Variants in CTSO observed in about 807,000 individuals in gnomAD.
CTSO encodes the protein cathepsin O.
A neutral mutation model predicts 42.4 loss-of-function variants in CTSO; 40 were observed. That is an observed-to-expected ratio of 0.94 (90% confidence interval 0.73 to 1.23). The LOEUF (loss-of-function observed/expected upper bound fraction) is 1.23, where lower values mean the gene tolerates loss of function less well. Among genes scored for constraint, CTSO ranks in the 50% most tolerant of loss-of-function variants. The pLI is 0.00. For synonymous variants in CTSO, 156 were observed against 146.2 expected (o/e 1.07, Z -0.48); for missense variants, 441 against 396.0 (o/e 1.11, Z -0.96).
At position 155,942,393 on chromosome 4, in the gene CTSO, A is replaced by G. The variant is rs1340399307; in HGVS notation, c.308T>C (p.Ile103Thr). The G allele has an allele frequency of 6.2e-7, 1 of 1,603,198 alleles. No homozygotes were observed. The highest frequency in any genetic ancestry group is 8.5e-7 in the Non-Finnish European group (1 of 1,175,570). ...PRYSAEVHMS[I>T]PNVSLPLRFD... ...TCTTAACGGCAAAGACACATTGGGGATGGACATATGTACTTCTGCTGAGTA... is the reference window on the plus strand; with the variant it reads ...TCTTAACGGCAAAGACACATTGGGGGTGGACATATGTACTTCTGCTGAGTA... Residue 103 changes from isoleucine (I) to threonine (T), a missense_variant, in exon 3 of 8, where the codon ATC becomes ACC. Coordinates refer to ENST00000433477, the MANE Select transcript of CTSO (RefSeq NM_001334.3).
At chr4:155,940,630 G>T (rs1239602360) in intron 3 of CTSO, among the ~76,000 whole-genome samples, 3 of 152,122 alleles carry the variant, frequency 2.0e-5, no homozygotes, top group Non-Finnish European at 2.9e-5. Context: ...GGATCATGAG[G>T]TCAGGAGTTC....
intron 5 of CTSO, among the ~76,000 whole-genome samples, chr4:155,934,879 C>T (rs1288077424): frequency 2.6e-5 from 4 of 152,120 alleles, no homozygotes; most frequent in Admixed American, 6.5e-5. Context: ...TGTGGACTTT[C>T]GGGTTAATGC....
intron 5 of CTSO, among the ~76,000 whole-genome samples, chr4:155,932,326 AC>A (rs1743250860): frequency 6.6e-6 from 1 of 152,144 alleles, no homozygotes; most frequent in East Asian, 1.9e-4. Flanking sequence ...TTGGAGTTGA[AC>A]AGATATGAGT....
At chr4:155,934,410 G>T (rs1038795922) in intron 5 of CTSO, among the ~76,000 whole-genome samples, 33 of 152,292 alleles carry the variant, frequency 2.2e-4, no homozygotes, top group African/African-American at 7.7e-4. Context: ...GGGGTTGGAG[G>T]CTCCACACAG....
rs1157140375 is a variant in CTSO at position 155,924,856 on chromosome 4, A to C, written c.*1180T>G. The C allele has an allele frequency of 6.6e-6, 1 of 152,268 alleles. No individual in the cohort carries two copies. The allele number at this position is 152,268 out of a possible 1,614,324, so 9.4% of individuals were successfully genotyped here. A position where few individuals can be genotyped will look rare whatever the true frequency, so the allele number is the denominator to read the frequency against. ...AATTGCACCTGAAATCACTTGTGCAATTAGTGATGCAAGAGTGATCACAGG... is the reference window on the plus strand; with the variant it reads ...AATTGCACCTGAAATCACTTGTGCACTTAGTGATGCAAGAGTGATCACAGG... On this transcript the variant is annotated 3_prime_UTR_variant, in exon 8 of 8. Transcript: ENST00000433477.
chr4:155,938,790 C>T (rs1444683745), intron 4 of CTSO, among the ~76,000 whole-genome samples: 1 of 150,384 alleles, frequency 6.6e-6, no homozygotes, highest in African/African-American at 2.5e-5. Context: ...AAACAAAAAA[C>T]AAAAAAAACA....
chr4:155,953,105 G>C (rs1743705775), intron 1 of CTSO, among the ~76,000 whole-genome samples: 1 of 151,346 alleles, frequency 6.6e-6, no homozygotes, highest in Non-Finnish European at 1.5e-5. Flanking sequence ...ATAATAATAT[G>C]AAAAGGAAAT....
chr4:155,943,293 T>G (rs771800119), intron 1 of CTSO, 29 bp from the exon 2 acceptor site: 1 of 1,363,026 alleles, frequency 7.3e-7, no homozygotes, highest in African/African-American at 1.4e-5. Context: ...CTATTTCATA[T>G]CCACTATGTC....
chr4:155,950,862 C>A (rs1168108452), intron 1 of CTSO, among the ~76,000 whole-genome samples: 1 of 151,918 alleles, frequency 6.6e-6, no homozygotes, highest in Admixed American at 6.6e-5. Flanking sequence ...ACCCCCACAC[C>A]CCAGTCCGTG....
chr4:155,929,643 T>TC lies in CTSO; in HGVS notation c.736dup (p.Asp246GlyfsTer19), dbSNP rs1318044236. ...CAGATAATCTTGCCAGCTCACTGCA[T>TC]CTACTATGACTACCAAAGGGCCAAA... On this transcript the variant is annotated frameshift_variant, in exon 6 of 8. Coordinates refer to ENST00000433477, the MANE Select transcript of CTSO (RefSeq NM_001334.3). LOFTEE classifies it high-confidence loss of function. 2 of 1,614,030 alleles carry TC rather than the reference T, an allele frequency of 1.2e-6. No homozygotes were observed. The highest frequency in any genetic ancestry group is 3.3e-5 in the Admixed American group (2 of 60,024).
At chr4:155,937,818 G>A (rs9994177) in intron 4 of CTSO, among the ~76,000 whole-genome samples, 58,874 of 151,916 alleles carry the variant, frequency 0.39, 11,854 homozygotes, top group Middle Eastern at 0.48. Context: ...GTCTCACTCT[G>A]TTGCCCAGGC....
chr4:155,942,263 A>AAAGCTG, intron 3 of CTSO, 54 bp downstream of exon 3: 2 of 1,435,882 alleles, frequency 1.4e-6, no homozygotes, highest in African/African-American at 2.9e-5. Context: ...ACTTGACCTC[A>AAAGCTG]AAGCTGCCTT....
Position 155,929,693 on chromosome 4 carries a change from A to G in CTSO, c.687T>C (p.Asp229=), listed in dbSNP as rs750961413. ...YSAYDFSDQE[D]EMAKALLTFG... ...AGGTAAGAAGTGCTTTTGCCATTTC[A>G]TCTTCTTGGTCACTACCAAAAGAGG... is the stretch of plus-strand genomic sequence containing the variant. The change falls in exon 6 of 8, where the codon GAT becomes GAC. Residue 229 remains aspartate (D), a synonymous_variant. Transcript: ENST00000433477. 3 of 1,609,926 alleles carry G rather than the reference A, an allele frequency of 1.9e-6. No homozygotes were observed. The highest frequency in any genetic ancestry group is 1.1e-5 in the South Asian group (1 of 89,962).
In CTSO at chr4:155,930,232, C is replaced by T. The variant is rs1314201438; in HGVS notation, c.675-527G>A. Among the ~76,000 whole-genome samples, 6 of 152,286 alleles carry T rather than the reference C, an allele frequency of 3.9e-5. No individual in the cohort carries two copies. In the East Asian group the frequency reaches 1.2e-3, roughly 29 times the overall value. ...TGGAAAGACTAGATATTTGGCGATA[C>T]CTTGCCATCTCTGCCACACCATGAG... On this transcript the variant is annotated intron_variant, in intron 5 of 7. Coordinates refer to ENST00000433477, the MANE Select transcript of CTSO (RefSeq NM_001334.3).
rs1240291510 is a variant in CTSO, at chr4:155,925,087, G to T, written c.*949C>A. On this transcript the variant is annotated 3_prime_UTR_variant, in exon 8 of 8. Coordinates refer to ENST00000433477, the MANE Select transcript of CTSO (RefSeq NM_001334.3). Reference sequence around the variant, plus strand: ...AGAAAGAGGTGAGATCCTAATGTTGGTAAAGGTACAGAGACAAAGGGAGCC... The same window carrying T: ...AGAAAGAGGTGAGATCCTAATGTTGTTAAAGGTACAGAGACAAAGGGAGCC... 1 of 152,120 alleles carries T rather than the reference G, an allele frequency of 6.6e-6. No homozygotes were observed. Among genetic ancestry groups the T allele is most frequent in the African/African-American group, 2.4e-5 (1 of 41,402 alleles). 9.4% of individuals were successfully genotyped at this position (152,120 alleles called of 1,614,324 possible). A position where few individuals can be genotyped will look rare whatever the true frequency, so the allele number is the denominator to read the frequency against.
chr4:155,925,774 A>T lies in CTSO; in HGVS notation c.*262T>A. On this transcript the variant is annotated 3_prime_UTR_variant, in exon 8 of 8. Transcript: ENST00000433477. ...TTGCAGGGGCCTAAAATATCTCCTA[A>T]TCTGAATTTCGTCTCAGGACAGGAA... 2.3e-6 allele frequency: 1 copy of T among 425,898 alleles called. No individual in the cohort carries two copies. The highest frequency in any genetic ancestry group is 4.1e-6 in the Non-Finnish European group (1 of 244,158). The allele number at this position is 425,898 out of a possible 1,614,324, so 26.4% of individuals were successfully genotyped here. A position where few individuals can be genotyped will look rare whatever the true frequency, so the allele number is the denominator to read the frequency against.
At chr4:155,934,362 T>G (rs1009143248) in intron 5 of CTSO, among the ~76,000 whole-genome samples, 1 of 152,192 alleles carries the variant, frequency 6.6e-6, no homozygotes. Flanking sequence ...AGGGCCCTCA[T>G]GGAAAACCTC....
At position 155,953,861 on chromosome 4, in the gene CTSO, T is replaced by C. The variant is rs1004648649; in HGVS notation, c.-14A>G. The C allele has an allele frequency of 7.2e-5, 91 of 1,265,618 alleles. No individual in the cohort carries two copies. Among genetic ancestry groups the C allele is most frequent in the Non-Finnish European group, 8.5e-5 (86 of 1,008,406 alleles). 78.4% of individuals were successfully genotyped at this position (1,265,618 alleles called of 1,614,324 possible). A position where few individuals can be genotyped will look rare whatever the true frequency, so the allele number is the denominator to read the frequency against. On this transcript the variant is annotated 5_prime_UTR_variant, in exon 1 of 8. Coordinates refer to ENST00000433477, the MANE Select transcript of CTSO (RefSeq NM_001334.3). Reference sequence around the variant, plus strand: ...CCGCACGTCCATTGCGGCGCCCGGCTCCTCTGCCGCCCGCGCGGCCTGTTT... The same window carrying C: ...CCGCACGTCCATTGCGGCGCCCGGCCCCTCTGCCGCCCGCGCGGCCTGTTT...
Position 155,937,478 on chromosome 4 carries a change from T to G in CTSO, c.558A>C (p.Gln186His). Residue 186 changes from glutamine to histidine, a missense_variant, in exon 5 of 8, where the codon CAA (glutamine) becomes CAC (histidine). By Grantham distance (24) the Gln-to-His change is conservative. Transcript: ENST00000433477. ...LNALNWLNKMQVKLVKDSEYP... is the reference protein window; with the variant it reads ...LNALNWLNKMHVKLVKDSEYP... ...ATTCTGAATCTTTCACCAGTTTTAC[T>G]TGCATCTAAAAGAAAACAATCACTG... The G allele has an allele frequency of 1.9e-6, 3 of 1,612,922 alleles. No homozygotes were observed. Among genetic ancestry groups the G allele is most frequent in the Non-Finnish European group, 2.5e-6 (3 of 1,179,320 alleles).
Sources: allele counts gnomAD v4.1 joint callset (sites outside exome capture counted in the v4.1 genomes callset), GRCh38; gene constraint gnomAD v4.1.1; transcripts MANE v1.5; gene names NCBI Gene and HGNC (gene_info 2026-07-23, HGNC 2026-07-21).